Variants in LDLRAD4 observed in about 807,000 individuals in gnomAD.
LDLRAD4 encodes low density lipoprotein receptor class A domain containing 4, also known as low-density lipoprotein receptor class A domain-containing protein 4.
A neutral mutation model predicts 17.0 loss-of-function variants in LDLRAD4; 5 were observed. The observed-to-expected ratio is 0.29, with a 90% confidence interval of 0.15 to 0.62. LDLRAD4 has a LOEUF of 0.62. LDLRAD4 is among the 20% of genes least tolerant of loss of function. LDLRAD4 has a pLI of 0.84. For missense variants in LDLRAD4, 340 were observed against 424.7 expected (o/e 0.80, Z 1.75); for synonymous variants, 168 against 171.8 (o/e 0.98, Z 0.17).
chr18:13,217,974 C>G (rs1244147417), upstream of LDLRAD4: 12 of 149,604 alleles, frequency 8.0e-5, no homozygotes, highest in Non-Finnish European at 1.3e-4. The surrounding 1 kb of genome is among the most constrained non-coding windows in gnomAD (Gnocchi z 4.9). Context: ...CGCTCCCCGC[C>G]GGCCCGCCGC....
At chr18:13,617,455 T>C (rs2040199591) in intron 3 of LDLRAD4, among the ~76,000 whole-genome samples, 1 of 152,138 alleles carries the variant, frequency 6.6e-6, no homozygotes, top group South Asian at 2.1e-4. Flanking sequence ...GAAAAAAATA[T>C]GTTTAGAATA....
chr18:13,566,679 A>T (rs773862614), intron 3 of LDLRAD4, among the ~76,000 whole-genome samples: 1 of 152,146 alleles, frequency 6.6e-6, no homozygotes, highest in Non-Finnish European at 1.5e-5. Context: ...GCCTTATATT[A>T]AATGACAGCA....
At chr18:13,633,002 T>C (rs766397627) in intron 4 of LDLRAD4, among the ~76,000 whole-genome samples, 2 of 152,214 alleles carry the variant, frequency 1.3e-5, no homozygotes, top group Admixed American at 6.5e-5. Context: ...CTGACGTCTG[T>C]CCAGCTCAGA....
chr18:13,459,371 G>GT (rs71366053), intron 3 of LDLRAD4, among the ~76,000 whole-genome samples: 27,339 of 148,070 alleles, frequency 0.18, 3,583 homozygotes, highest in African/African-American at 0.36. Flanking sequence ...AACATTTGGT[G>GT]TTTTTTTTTT....
At chr18:13,506,157 C>T (rs531467627) in intron 3 of LDLRAD4, among the ~76,000 whole-genome samples, 14 of 152,304 alleles carry the variant, frequency 9.2e-5, no homozygotes, top group Non-Finnish European at 1.5e-4. Flanking sequence ...GCTCACCTTC[C>T]CCTGGGCGTG....
intron 1 of LDLRAD4, among the ~76,000 whole-genome samples, chr18:13,315,291 C>A (rs553260566): frequency 1.3e-5 from 2 of 152,146 alleles, no homozygotes; most frequent in Non-Finnish European, 2.9e-5. Flanking sequence ...GCCTCCAGTT[C>A]TCCTGTTAGT....
At chr18:13,281,832 C>T (rs572651122) in intron 1 of LDLRAD4, among the ~76,000 whole-genome samples, 3 of 152,306 alleles carry the variant, frequency 2.0e-5, no homozygotes, top group African/African-American at 7.2e-5. Flanking sequence ...GATTCTGAAG[C>T]TCCATCTCAC....
chr18:13,461,399 G>A (rs2092422830), intron 3 of LDLRAD4: 1 of 152,220 alleles, frequency 6.6e-6, no homozygotes, highest in Admixed American at 6.5e-5. Flanking sequence ...TGGATTCTAG[G>A]AACACAAACG....
rs189074637 is a variant in LDLRAD4, at chr18:13,524,571, A to G, written c.181+86187A>G. ...TGTCTGTATCAGGTAGTGCCTCAGT[A>G]ACGCCGTGTAACAAACCACTTCCAA... On this transcript the variant is annotated intron_variant, in intron 3 of 5. Coordinates refer to ENST00000359446, the Ensembl canonical transcript of LDLRAD4. Among the ~76,000 whole-genome samples, 4 of 152,344 alleles carry G rather than the reference A, an allele frequency of 2.6e-5. No homozygotes were observed. The East Asian group carries it at 7.7e-4, about 29-fold the overall frequency.
At chr18:13,254,589 G>A (rs1050109866) in intron 1 of LDLRAD4, among the ~76,000 whole-genome samples, 11 of 152,194 alleles carry the variant, frequency 7.2e-5, no homozygotes, top group African/African-American at 2.7e-4. Flanking sequence ...TGGTGGTTAC[G>A]GAATTGGCCG....
chr18:13,249,419 T>A (rs2043123648), intron 1 of LDLRAD4, among the ~76,000 whole-genome samples: 1 of 152,240 alleles, frequency 6.6e-6, no homozygotes, highest in Admixed American at 6.5e-5. Flanking sequence ...ATTTCTTGTC[T>A]TTTTGATAGT....
intron 1 of LDLRAD4, among the ~76,000 whole-genome samples, chr18:13,225,044 C>T (rs1456653364): frequency 2.0e-5 from 3 of 151,858 alleles, no homozygotes; most frequent in South Asian, 2.1e-4. Flanking sequence ...TCATGTTGGC[C>T]AGGCTGGTTT....
intron 3 of LDLRAD4, among the ~76,000 whole-genome samples, chr18:13,462,597 T>C (rs2092469509): frequency 6.6e-6 from 1 of 152,214 alleles, no homozygotes; most frequent in African/African-American, 2.4e-5. Context: ...ATCTGGGAGC[T>C]ACAGAATTAG....
chr18:13,230,846 C>T (rs1337315345), intron 1 of LDLRAD4, among the ~76,000 whole-genome samples: 1 of 152,348 alleles, frequency 6.6e-6, no homozygotes, highest in Admixed American at 6.5e-5. Flanking sequence ...CTTTCTGGTC[C>T]ATGCTATCTG....
At chr18:13,582,112 C>A (rs545309736) in intron 3 of LDLRAD4, among the ~76,000 whole-genome samples, 42 of 152,270 alleles carry the variant, frequency 2.8e-4, no homozygotes, top group African/African-American at 1.0e-3. Flanking sequence ...GACATTACCC[C>A]ACCCAGCATC....
chr18:13,341,619 C>G (rs1331292988), intron 1 of LDLRAD4, among the ~76,000 whole-genome samples: 1 of 152,050 alleles, frequency 6.6e-6, no homozygotes, highest in African/African-American at 2.4e-5. Flanking sequence ...TTAATTCTAA[C>G]ACTTTTTTTA....
intron 2 of LDLRAD4, among the ~76,000 whole-genome samples, chr18:13,406,714 C>A (rs2145618509): frequency 6.6e-6 from 1 of 152,282 alleles, no homozygotes; most frequent in South Asian, 2.1e-4. Context: ...CTGGGGCCGA[C>A]TCCTACTAGG....
intron 1 of LDLRAD4, among the ~76,000 whole-genome samples, chr18:13,227,549 G>T (rs1273357163): frequency 6.6e-6 from 1 of 152,148 alleles, no homozygotes; most frequent in East Asian, 1.9e-4. Flanking sequence ...GGACCTGGTG[G>T]GCCCATGTAT....
At chr18:13,651,719 A>G (rs1178245258) in exon 6 of LDLRAD4, 4 of 152,212 alleles carry the variant, frequency 2.6e-5, no homozygotes, top group Non-Finnish European at 5.9e-5. Flanking sequence ...AGTGTTGTCC[A>G]TAAGAGCAGT....
Sources: gnomAD v4.1 joint callset for allele counts (sites outside exome capture counted in the v4.1 genomes callset) on GRCh38, gnomAD v4.1.1 for gene constraint, Gnocchi (gnomAD v3.1) non-coding constraint, MANE v1.5 for transcripts, NCBI Gene and HGNC (gene_info 2026-07-23, HGNC 2026-07-21) for gene names.